SHANK2: variants seen among roughly 807,000 people sequenced by gnomAD.
SHANK2 encodes SH3 and multiple ankyrin repeat domains protein 2.
Under a neutral mutation model 133.7 loss-of-function variants are expected in SHANK2, and 43 were observed. That is an observed-to-expected ratio of 0.32 (90% CI 0.25 to 0.41). The LOEUF is 0.41. SHANK2 is among the 10% of genes least tolerant of loss of function. The pLI, the probability that SHANK2 is intolerant of heterozygous loss-of-function variation, is 1.00. For missense variants in SHANK2, 1,994 were observed against 2,235.8 expected (o/e 0.89, Z 2.18); for synonymous variants, 1,017 against 952.8 (o/e 1.07, Z -1.24).
At chr11:71,199,054 G>A (rs931163032) in intron 2 of SHANK2, among the ~76,000 whole-genome samples, 1 of 152,220 alleles carries the variant, frequency 6.6e-6, no homozygotes, top group African/African-American at 2.4e-5. Flanking sequence ...GCCCACAGGT[G>A]AGGCACTCCA....
chr11:70,682,834 G>A (rs191646108), intron 15 of SHANK2, among the ~76,000 whole-genome samples: 1 of 152,288 alleles, frequency 6.6e-6, no homozygotes, highest in Non-Finnish European at 1.5e-5. Context: ...CAAAACGCAA[G>A]TCCTAAGCAC....
At chr11:70,917,614 T>A (rs1950287482) in intron 10 of SHANK2, among the ~76,000 whole-genome samples, 2 of 152,192 alleles carry the variant, frequency 1.3e-5, no homozygotes, top group Non-Finnish European at 2.9e-5. Context: ...TAAATGCCCA[T>A]CAGTGACAGA....
At chr11:70,619,686 A>C (rs1313586888) in intron 17 of SHANK2, among the ~76,000 whole-genome samples, 17 of 151,966 alleles carry the variant, frequency 1.1e-4, no homozygotes, top group Non-Finnish European at 2.2e-4. Flanking sequence ...CTGCCCAGGG[A>C]CCCTTCCAGG....
chr11:70,506,875 T>C (rs1591517584), intron 17 of SHANK2, among the ~76,000 whole-genome samples: 1 of 152,262 alleles, frequency 6.6e-6, no homozygotes, highest in East Asian at 1.9e-4. Context: ...GGCAAGCACT[T>C]GGGGGCAGGG....
At chr11:70,724,786 C>T (rs1403024397) in intron 14 of SHANK2, among the ~76,000 whole-genome samples, 5 of 152,324 alleles carry the variant, frequency 3.3e-5, no homozygotes, top group East Asian at 3.9e-4. Context: ...CTCTGCGTTC[C>T]GGAAATGTCA....
At chr11:70,619,718 C>T (rs2060804476) in intron 17 of SHANK2, among the ~76,000 whole-genome samples, 1 of 151,942 alleles carries the variant, frequency 6.6e-6, no homozygotes, top group Non-Finnish European at 1.5e-5. Flanking sequence ...CCTCAGGGCC[C>T]CTCTCTTCCC....
chr11:70,901,059 T>C lies in SHANK2; in HGVS notation c.1108-4492A>G, dbSNP rs546047251. 1.4e-4 allele frequency among the ~76,000 whole-genome samples: 21 copies of C among 152,190 alleles called. 2 individuals are homozygous for C. The South Asian group carries it at 4.4e-3, about 32-fold the overall frequency. ...TCTGAGTGAGTTCCCAGGAGCGACCTCTTTTGATCTTAACAGCTCTATGAA... is the reference window on the plus strand; with the variant it reads ...TCTGAGTGAGTTCCCAGGAGCGACCCCTTTTGATCTTAACAGCTCTATGAA... On this transcript the variant is annotated intron_variant, in intron 10 of 25. Transcript: ENST00000601538.
chr11:70,868,266 T>C (rs1555069477), intron 11 of SHANK2, among the ~76,000 whole-genome samples: 2 of 152,142 alleles, frequency 1.3e-5, no homozygotes, highest in Non-Finnish European at 2.9e-5. Flanking sequence ...CGGACACCTG[T>C]CCACGGACAT....
rs138467907 is a variant in SHANK2 at position 70,665,685 on chromosome 11, T to C, written c.1854-4007A>G. ...ATGGGTTTGAATTTCAACCCAGACA[T>C]TGACCACCTTGACTACTTACAGCCT... On this transcript the variant is annotated intron_variant, in intron 15 of 25. Coordinates refer to ENST00000601538, the MANE Select transcript of SHANK2 (RefSeq NM_012309.5). 4.9e-4 allele frequency among the ~76,000 whole-genome samples: 74 copies of C among 152,308 alleles called. No individual in the cohort carries two copies. The East Asian group carries it at 5.8e-3, about 12-fold the overall frequency.
intron 1 of SHANK2, among the ~76,000 whole-genome samples, chr11:71,241,690 C>T (rs1954895187): frequency 6.6e-6 from 1 of 152,204 alleles, no homozygotes; most frequent in South Asian, 2.1e-4. Context: ...CAGCACCTTG[C>T]CTCACTGGAA....
intron 11 of SHANK2, among the ~76,000 whole-genome samples, chr11:70,881,794 A>G (rs782191542): frequency 2.6e-5 from 4 of 151,410 alleles, no homozygotes; most frequent in Non-Finnish European, 5.9e-5. Context: ...CCGTGGCCCC[A>G]TCATGGCTGT....
chr11:70,838,140 T>A (rs1442535832), intron 11 of SHANK2, among the ~76,000 whole-genome samples: 2 of 152,134 alleles, frequency 1.3e-5, no homozygotes, highest in African/African-American at 4.8e-5. Flanking sequence ...GAACACTGCC[T>A]CCCTACAACT....
chr11:70,933,712 G>C (rs1159475195), intron 10 of SHANK2, among the ~76,000 whole-genome samples: 4 of 152,094 alleles, frequency 2.6e-5, no homozygotes, highest in Non-Finnish European at 4.4e-5. Flanking sequence ...ATGAGGTCAG[G>C]AGTTCAAGAC....
intron 11 of SHANK2, among the ~76,000 whole-genome samples, chr11:70,843,084 G>A (rs562051944): frequency 6.6e-6 from 1 of 152,218 alleles, no homozygotes; most frequent in South Asian, 2.1e-4. Flanking sequence ...ACAGCATGTG[G>A]AAGGCTGGGG....
chr11:70,556,226 C>G (rs1224847912), intron 17 of SHANK2, among the ~76,000 whole-genome samples: 2 of 152,216 alleles, frequency 1.3e-5, no homozygotes, highest in East Asian at 3.8e-4. Context: ...ATAGCCATTT[C>G]TTTTCATTGC....
At chr11:71,228,541 C>T (rs1025215831) in intron 1 of SHANK2, among the ~76,000 whole-genome samples, 9 of 152,116 alleles carry the variant, frequency 5.9e-5, no homozygotes, top group African/African-American at 9.7e-5. Flanking sequence ...TTGCATTACC[C>T]GAGGTCAGGA....
chr11:71,091,819 T>C (rs1202513284), intron 8 of SHANK2, among the ~76,000 whole-genome samples: 1 of 152,190 alleles, frequency 6.6e-6, no homozygotes, highest in African/African-American at 2.4e-5. Context: ...CAGGTGCTGA[T>C]GGCTCCCCAA....
intron 1 of SHANK2, among the ~76,000 whole-genome samples, chr11:71,237,342 A>C (rs1397101425): frequency 6.6e-6 from 1 of 152,110 alleles, no homozygotes; most frequent in Non-Finnish European, 1.5e-5. Context: ...TTTTATAAGT[A>C]AAGTTTTTAT....
chr11:71,116,944 C>T (rs887931374), intron 4 of SHANK2, among the ~76,000 whole-genome samples: 4 of 152,162 alleles, frequency 2.6e-5, no homozygotes, highest in East Asian at 1.9e-4. Flanking sequence ...GAGCCCATGC[C>T]GGCACCACAC....
Sources: gnomAD v4.1 joint callset for allele counts (sites outside exome capture counted in the v4.1 genomes callset) on GRCh38, gnomAD v4.1.1 for gene constraint, MANE v1.5 for transcripts, NCBI Gene and HGNC (gene_info 2026-07-23, HGNC 2026-07-21) for gene names.